Variants in PTPRD observed in about 807,000 individuals in gnomAD.
PTPRD encodes the protein receptor-type tyrosine-protein phosphatase delta.
A neutral mutation model predicts 214.5 loss-of-function variants in PTPRD; 34 were observed. The ratio of observed to expected loss-of-function variants is 0.16; its 90% CI spans 0.12 to 0.21. The LOEUF is 0.21. Among genes scored for constraint, PTPRD ranks in the 10% least tolerant of loss-of-function variants. The pLI, the probability that PTPRD is intolerant of heterozygous loss-of-function variation, is 1.00. For missense variants in PTPRD, 2,545 were observed against 2,398.7 expected, an observed-to-expected ratio of 1.06 and a Z score of -1.27; for synonymous variants, 1,128 against 845.7, an observed-to-expected ratio of 1.33 and a Z score of -5.79.
chr9:8,404,748 T>C, intron 35 of PTPRD, 88 bp from the exon 36 acceptor site: 2 of 1,439,876 alleles, frequency 1.4e-6, no homozygotes, highest in Non-Finnish European at 9.3e-7. Context: ...AAACATGATT[T>C]AAAAGGAAAA....
chr9:8,778,014 T>C (rs895052276), intron 11 of PTPRD, among the ~76,000 whole-genome samples: 3 of 152,134 alleles, frequency 2.0e-5, no homozygotes, highest in African/African-American at 7.2e-5. Context: ...ATGTCTAGGA[T>C]TGGTTACTTG....
At chr9:8,952,176 T>A (rs2099105670) in intron 11 of PTPRD, among the ~76,000 whole-genome samples, 1 of 151,998 alleles carries the variant, frequency 6.6e-6, no homozygotes, top group South Asian at 2.1e-4. Flanking sequence ...TTGTTTTGCT[T>A]ACTTTTTTGC....
intron 8 of PTPRD, among the ~76,000 whole-genome samples, chr9:9,489,460 G>C (rs188548055): frequency 6.6e-6 from 1 of 152,174 alleles, no homozygotes; most frequent in Non-Finnish European, 1.5e-5. Flanking sequence ...CTACTAAACA[G>C]ACTTTATAAC....
At chr9:8,445,367 T>G (rs1376948120) in intron 34 of PTPRD, among the ~76,000 whole-genome samples, 1 of 152,200 alleles carries the variant, frequency 6.6e-6, no homozygotes, top group Non-Finnish European at 1.5e-5. Context: ...GACAGACACT[T>G]ACAATCAATC....
chr9:9,309,861 G>A (rs1024036055), intron 9 of PTPRD, among the ~76,000 whole-genome samples: 1 of 152,044 alleles, frequency 6.6e-6, no homozygotes, highest in Non-Finnish European at 1.5e-5. Flanking sequence ...CTATTCTTAA[G>A]TCAGCTCAGT....
chr9:8,352,644 A>G lies in PTPRD; in HGVS notation c.4662-10666T>C, dbSNP rs544357965. Among the ~76,000 whole-genome samples the G allele has an allele frequency of 1.2e-3, 179 of 152,234 alleles. 1 individual carries two copies. The highest frequency in any genetic ancestry group is 3.0e-3 in the Admixed American group (46 of 15,290). On this transcript the variant is annotated intron_variant, in intron 39 of 45. Transcript: ENST00000381196. ...GCTTGTCATTAGAAATATAAATGCT[A>G]TTACTCCTGATTCAGGTTAAGCAAG...
intron 5 of PTPRD, among the ~76,000 whole-genome samples, chr9:9,832,951 A>G (rs2055404904): frequency 6.6e-6 from 1 of 151,834 alleles, no homozygotes; most frequent in African/African-American, 2.4e-5. Flanking sequence ...AGAAATTTTA[A>G]GTAATATTAT....
At chr9:9,648,554 G>A (rs2096255026) in intron 7 of PTPRD, among the ~76,000 whole-genome samples, 1 of 152,166 alleles carries the variant, frequency 6.6e-6, no homozygotes, top group Non-Finnish European at 1.5e-5. Flanking sequence ...TTAGATATTT[G>A]ATGATCACTA....
chr9:8,923,494 T>C (rs534793542), intron 11 of PTPRD, among the ~76,000 whole-genome samples: 1 of 151,960 alleles, frequency 6.6e-6, no homozygotes, highest in East Asian at 1.9e-4. Context: ...CTGGAGAAGA[T>C]GAGGAGGTCA....
intron 8 of PTPRD, among the ~76,000 whole-genome samples, chr9:9,503,331 C>T (rs1235355744): frequency 6.6e-6 from 1 of 151,218 alleles, no homozygotes; most frequent in African/African-American, 2.4e-5. Context: ...AATCACAGCA[C>T]ATCATTTAGA....
chr9:10,207,002 A>C (rs768484825), intron 3 of PTPRD, among the ~76,000 whole-genome samples: 1 of 152,192 alleles, frequency 6.6e-6, no homozygotes, highest in Non-Finnish European at 1.5e-5. Flanking sequence ...TCAAATGTAT[A>C]CAGAGGGAAA....
chr9:8,535,154 G>C (rs548721177), intron 14 of PTPRD, among the ~76,000 whole-genome samples: 111 of 152,032 alleles, frequency 7.3e-4, no homozygotes, highest in African/African-American at 2.5e-3. Flanking sequence ...CCTGGCACTA[G>C]TGTCTGGCAT....
intron 10 of PTPRD, among the ~76,000 whole-genome samples, chr9:9,144,066 G>C (rs1180600960): frequency 6.6e-6 from 1 of 152,192 alleles, no homozygotes; most frequent in Non-Finnish European, 1.5e-5. Flanking sequence ...CCAAATGTCT[G>C]ATAAACGAAT....
intron 8 of PTPRD, among the ~76,000 whole-genome samples, chr9:9,490,988 C>G (rs977435775): frequency 3.3e-5 from 5 of 151,498 alleles, no homozygotes; most frequent in Non-Finnish European, 7.4e-5. Context: ...TGAACATTGT[C>G]TAAAAGTTAG....
chr9:8,590,860 A>G (rs1020301637), intron 14 of PTPRD, among the ~76,000 whole-genome samples: 1 of 152,170 alleles, frequency 6.6e-6, no homozygotes, highest in Non-Finnish European at 1.5e-5. Flanking sequence ...TTAAAACAAA[A>G]ACATTTATTA....
intron 11 of PTPRD, among the ~76,000 whole-genome samples, chr9:8,982,814 A>C (rs1043512090): frequency 1.3e-5 from 2 of 152,028 alleles, no homozygotes; most frequent in African/African-American, 4.8e-5. Context: ...TACAATATTC[A>C]GAACTGCTTA....
intron 10 of PTPRD, among the ~76,000 whole-genome samples, chr9:9,021,172 C>T (rs1438590466): frequency 6.6e-6 from 1 of 152,036 alleles, no homozygotes; most frequent in Non-Finnish European, 1.5e-5. Context: ...TACATAAACA[C>T]CTTAAAAATC....
At chr9:9,708,452 G>C (rs1370972002) in intron 7 of PTPRD, among the ~76,000 whole-genome samples, 2 of 151,966 alleles carry the variant, frequency 1.3e-5, no homozygotes, top group African/African-American at 4.8e-5. Context: ...ACTTCTGACT[G>C]GATTCACATT....
intron 9 of PTPRD, among the ~76,000 whole-genome samples, chr9:9,354,750 G>C (rs182530286): frequency 6.6e-6 from 1 of 151,922 alleles, no homozygotes; most frequent in African/African-American, 2.4e-5. Flanking sequence ...AGGTAAGTAA[G>C]ATAGCATGAA....
Sources: allele counts gnomAD v4.1 joint callset (sites outside exome capture counted in the v4.1 genomes callset), GRCh38; gene constraint gnomAD v4.1.1; transcripts MANE v1.5; gene names NCBI Gene and HGNC (gene_info 2026-07-23, HGNC 2026-07-21).